The following KCNB2 variants were observed in gnomAD, a reference collection of about 807,000 sequenced individuals.
KCNB2 encodes potassium voltage-gated channel subfamily B member 2, also known as delayed rectifier potassium channel protein.
KCNB2 carries 15 observed loss-of-function variants against 61.5 expected under a neutral mutation model. The ratio of observed to expected loss-of-function variants is 0.24; its 90% CI spans 0.16 to 0.38. The LOEUF (loss-of-function observed/expected upper bound fraction) is 0.38, where lower values mean the gene tolerates loss of function less well. Ranked by LOEUF, KCNB2 falls within the 10% of genes least tolerant of loss-of-function variation. The pLI is 1.00. For missense variants in KCNB2, 828 were observed against 1,125.2 expected, an observed-to-expected ratio of 0.74 and a Z score of 3.78; for synonymous variants, 457 against 446.0, an observed-to-expected ratio of 1.02 and a Z score of -0.31.
At chr8:72,894,677 T>A (rs1160927779) in intron 2 of KCNB2, among the ~76,000 whole-genome samples, 4 of 152,158 alleles carry the variant, frequency 2.6e-5, no homozygotes, top group Non-Finnish European at 5.9e-5. Context: ...TCCCAATTCA[T>A]CCTGTTTGGA....
chr8:72,579,879 G>A lies in KCNB2; in HGVS notation c.579+11566G>A, dbSNP rs1405667786. 2.0e-5 allele frequency among the ~76,000 whole-genome samples: 3 copies of A among 152,052 alleles called. 1 individual carries two copies. Among genetic ancestry groups the A allele is most frequent in the East Asian group, 1.9e-4 (1 of 5,200 alleles). ...CAATACTGCTTCCTTCCCAGCCTGG[G>A]GGAAAAAAAGGAACTTGTTCCCTGC... On this transcript the variant is annotated intron_variant, in intron 2 of 2. Transcript: ENST00000523207.
intron 2 of KCNB2, among the ~76,000 whole-genome samples, chr8:72,675,742 C>T (rs532945588): frequency 2.6e-5 from 4 of 152,074 alleles, no homozygotes; most frequent in Admixed American, 6.5e-5. Context: ...TTAGTAGAGA[C>T]GGGATTTCAT....
chr8:72,855,449 A>G (rs1392725694), intron 2 of KCNB2, among the ~76,000 whole-genome samples: 2 of 151,966 alleles, frequency 1.3e-5, no homozygotes, highest in African/African-American at 4.8e-5. Flanking sequence ...AGCTCAAACA[A>G]CCCCTCCTCA....
chr8:72,858,325 C>T (rs1810239187), intron 2 of KCNB2, among the ~76,000 whole-genome samples: 1 of 151,962 alleles, frequency 6.6e-6, no homozygotes, highest in Non-Finnish European at 1.5e-5. Context: ...ATGAGATTTA[C>T]ATAATTTCAA....
rs550023653 is a variant in KCNB2 at position 72,824,257 on chromosome 8, C to T, written c.580-111678C>T. 4.6e-4 allele frequency among the ~76,000 whole-genome samples: 70 copies of T among 152,202 alleles called. 1 individual carries two copies. Among genetic ancestry groups the T allele is most frequent in the Middle Eastern group, 3.4e-3 (1 of 294 alleles). ...TCCGTTCTGCAGGAGTAGGGTGAGACGCAAGGGAGTAAGACTGCTCTTATG... is the reference window on the plus strand; with the variant it reads ...TCCGTTCTGCAGGAGTAGGGTGAGATGCAAGGGAGTAAGACTGCTCTTATG... On this transcript the variant is annotated intron_variant, in intron 2 of 2. Transcript: ENST00000523207.
chr8:72,658,630 A>G (rs2264342), intron 2 of KCNB2, among the ~76,000 whole-genome samples: 119,746 of 152,102 alleles, frequency 0.79, 47,343 homozygotes, highest in East Asian at 0.96. Flanking sequence ...GAGTTTGATA[A>G]TTAGAGAGGA....
intron 2 of KCNB2, among the ~76,000 whole-genome samples, chr8:72,887,244 C>T (rs1339975722): frequency 6.6e-6 from 1 of 152,212 alleles, no homozygotes; most frequent in East Asian, 1.9e-4. Flanking sequence ...CAGTCCACAT[C>T]ACACCTTGTA....
intron 2 of KCNB2, among the ~76,000 whole-genome samples, chr8:72,867,865 C>A (rs543674704): frequency 4.5e-4 from 69 of 152,226 alleles, no homozygotes; most frequent in Non-Finnish European, 9.3e-4. Context: ...GGAGCAATGG[C>A]CACTCGCTGT....
intron 2 of KCNB2, among the ~76,000 whole-genome samples, chr8:72,801,208 T>C (rs558794234): frequency 6.6e-6 from 1 of 152,368 alleles, no homozygotes; most frequent in South Asian, 2.1e-4. Context: ...TAAATAGTAC[T>C]GTTTTACAGC....
At chr8:72,595,808 G>A (rs1807180496) in intron 2 of KCNB2, among the ~76,000 whole-genome samples, 1 of 152,164 alleles carries the variant, frequency 6.6e-6, no homozygotes, top group South Asian at 2.1e-4. Context: ...TGGTGAGCTC[G>A]TGGACCAAAT....
intron 2 of KCNB2, among the ~76,000 whole-genome samples, chr8:72,764,586 A>T (rs1184087609): frequency 6.6e-6 from 1 of 152,202 alleles, no homozygotes; most frequent in South Asian, 2.1e-4. Flanking sequence ...TGGACAGTTG[A>T]TGTACACAGT....
At chr8:72,690,390 T>C (rs1258853594) in intron 2 of KCNB2, among the ~76,000 whole-genome samples, 24 of 152,238 alleles carry the variant, frequency 1.6e-4, no homozygotes, top group Admixed American at 1.6e-3. Flanking sequence ...TTAAATAAAC[T>C]ACGATCTTTG....
At chr8:72,874,724 C>T (rs1805675975) in intron 2 of KCNB2, 1 of 152,294 alleles carries the variant, frequency 6.6e-6, no homozygotes, top group Non-Finnish European at 1.5e-5. Flanking sequence ...AGGCCCTCAT[C>T]ACCTTTGTGT....
chr8:72,662,195 T>C (rs1806393065), intron 2 of KCNB2, among the ~76,000 whole-genome samples: 1 of 152,194 alleles, frequency 6.6e-6, no homozygotes, highest in African/African-American at 2.4e-5. Flanking sequence ...GCAGCACTAC[T>C]GCCTCCTGGC....
chr8:72,861,991 G>A (rs557627069), intron 2 of KCNB2, among the ~76,000 whole-genome samples: 1 of 152,132 alleles, frequency 6.6e-6, no homozygotes, highest in East Asian at 1.9e-4. Context: ...GGCCAACATG[G>A]TGAAACTCCA....
In KCNB2 at chr8:72,922,781, A is replaced by G. The variant is rs527463424; in HGVS notation, c.580-13154A>G. ...ATTCAACCCAGTATCCTGATTTCCC[A>G]AAGGGATCTGTAAACCAAAAAGGAT... On this transcript the variant is annotated intron_variant, in intron 2 of 2. Coordinates refer to ENST00000523207, the MANE Select transcript of KCNB2 (RefSeq NM_004770.3). Among the ~76,000 whole-genome samples, 22 of 152,284 alleles carry G rather than the reference A, an allele frequency of 1.4e-4. No homozygotes were observed. The South Asian group carries it at 4.1e-3, about 29-fold the overall frequency.
intron 2 of KCNB2, among the ~76,000 whole-genome samples, chr8:72,576,910 A>G (rs1260105815): frequency 6.6e-6 from 1 of 152,212 alleles, no homozygotes; most frequent in African/African-American, 2.4e-5. Flanking sequence ...TAACTGGCAC[A>G]GAGGCAGGAA....
chr8:72,728,169 T>C (rs945639398), intron 2 of KCNB2, among the ~76,000 whole-genome samples: 2 of 152,204 alleles, frequency 1.3e-5, no homozygotes, highest in Admixed American at 6.5e-5. Flanking sequence ...CTGTTCTCAG[T>C]TTGCCTCTGT....
rs868243710 is a variant in KCNB2 at position 72,821,637 on chromosome 8, A to C, written c.580-114298A>C. ...AAGTTCCTACACACACACACAAAAA[A>C]AAACAAAAAAAAAAAAAAAAAAACA... is the stretch of plus-strand genomic sequence containing the variant. On this transcript the variant is annotated intron_variant, in intron 2 of 2. Coordinates refer to ENST00000523207, the MANE Select transcript of KCNB2 (RefSeq NM_004770.3). Among the ~76,000 whole-genome samples, 109 of 105,954 alleles carry C rather than the reference A, an allele frequency of 1.0e-3. 1 individual carries two copies. The Middle Eastern group carries it at 0.014, about 14-fold the overall frequency. 69.5% of individuals were successfully genotyped at this position (105,954 alleles called of 152,430 possible).
Sources: allele counts gnomAD v4.1 joint callset (sites outside exome capture counted in the v4.1 genomes callset), GRCh38; gene constraint gnomAD v4.1.1; transcripts MANE v1.5; gene names NCBI Gene and HGNC (gene_info 2026-07-23, HGNC 2026-07-21).